PCDHGC4: variants seen among roughly 807,000 people sequenced by gnomAD.
PCDHGC4 encodes the protein protocadherin gamma subfamily C, 4.
PCDHGC4 carries 15 observed loss-of-function variants against 59.7 expected under a neutral mutation model. The observed-to-expected ratio is 0.25, with a 90% CI of 0.17 to 0.39. The LOEUF is 0.39. PCDHGC4 is among the 10% of genes least tolerant of loss of function. The pLI, the probability that PCDHGC4 is intolerant of heterozygous loss-of-function variation, is 1.00. For missense variants in PCDHGC4, 1,016 were observed against 1,189.5 expected, an observed-to-expected ratio of 0.85 and a Z score of 2.15; for synonymous variants, 434 against 481.4, an observed-to-expected ratio of 0.90 and a Z score of 1.29.
In PCDHGC4 at chr5:141,490,211, ACCAGGGACAG is replaced by A. The variant is rs1259297201; in HGVS notation, c.2442+2599_2442+2608del. 1 of 1,614,212 alleles carries A rather than the reference ACCAGGGACAG, an allele frequency of 6.2e-7. No individual in the cohort carries two copies. ...TATGAAATTCATGCAAGAGCCCGTG[ACCAGGGACAG>A]CCTGCCATGGAGGGCCACTGTGTGA... is the stretch of plus-strand genomic sequence containing the variant. On this transcript the variant is annotated intron_variant, in intron 1 of 3. Transcript: ENST00000306593. The surrounding 1 kb of genome is among the most constrained non-coding windows in gnomAD (Gnocchi z 5.4).
chr5:141,487,684 C>G lies in PCDHGC4; in HGVS notation c.2442+69C>G. On this transcript the variant is annotated intron_variant, in intron 1 of 3. Coordinates refer to ENST00000306593, the MANE Select transcript of PCDHGC4 (RefSeq NM_018928.3). The surrounding 1 kb of genome is among the most constrained non-coding windows in gnomAD (Gnocchi z 5.0). ...ATCCAGGCATATGGCTAGGCCATGT[C>G]CTAGAGAGTACTGGCCTCTCAGTAA... is the stretch of plus-strand genomic sequence containing the variant. The G allele has an allele frequency of 6.2e-7, 1 of 1,607,562 alleles. No individual in the cohort carries two copies. Among genetic ancestry groups the G allele is most frequent in the East Asian group, 2.2e-5 (1 of 44,768 alleles).
intron 1 of PCDHGC4, among the ~76,000 whole-genome samples, chr5:141,488,563 C>T (rs1352750895): frequency 1.3e-5 from 2 of 152,134 alleles, no homozygotes; most frequent in Admixed American, 6.6e-5. Flanking sequence ...TTGAGATTTC[C>T]GCAAAGCATT....
Position 141,511,015 on chromosome 5 carries a change from C to T in PCDHGC4, c.2659C>T (p.Pro887Ser), listed in dbSNP as rs1430257603. The T allele has an allele frequency of 1.2e-6, 2 of 1,614,106 alleles. No homozygotes were observed. The highest frequency in any genetic ancestry group is 1.3e-5 in the African/African-American group (1 of 74,936). The stretch of plus-strand genomic sequence containing the variant: ...CATGGGATTGAGCGCCCGCTACGGA[C>T]CCCAGTTCACCCTGCAGCACGTGCC... ...GTMGLSARYG[P>S]QFTLQHVPDY... Residue 887 changes from proline (P) to serine (S), a missense_variant, in exon 4 of 4, where the codon CCC (proline) becomes TCC (serine). Coordinates refer to ENST00000306593, the MANE Select transcript of PCDHGC4 (RefSeq NM_018928.3).
In PCDHGC4 at chr5:141,492,000, A is replaced by G; in HGVS notation, c.2443-2807A>G. On this transcript the variant is annotated intron_variant, in intron 1 of 3. Transcript: ENST00000306593. The surrounding 1 kb of genome is among the most constrained non-coding windows in gnomAD (Gnocchi z 6.9). Reference sequence around the variant, plus strand: ...TCGAGCTTCCGGTGAATTTCGGGCGATTTCCGCGGGTGTCGGGGGTCCCGG... The same window carrying G: ...TCGAGCTTCCGGTGAATTTCGGGCGGTTTCCGCGGGTGTCGGGGGTCCCGG... 1 of 659,856 alleles carries G rather than the reference A, an allele frequency of 1.5e-6. No homozygotes were observed. The highest frequency in any genetic ancestry group is 3.1e-5 in the South Asian group (1 of 32,438). 40.9% of individuals were successfully genotyped at this position (659,856 alleles called of 1,614,324 possible).
chr5:141,490,061 A>G lies in PCDHGC4; in HGVS notation c.2442+2446A>G, dbSNP rs1562135413. On this transcript the variant is annotated intron_variant, in intron 1 of 3. Transcript: ENST00000306593. This position sits in a 1 kb window ranked among gnomAD's most constrained non-coding sequence, Gnocchi z 5.4. Reference sequence around the variant, plus strand: ...GCCACTGATCCAGACGAGGGCACCAACGGCCAACTAGACTATTCTTTTGGA... The same window carrying G: ...GCCACTGATCCAGACGAGGGCACCAGCGGCCAACTAGACTATTCTTTTGGA... 1.2e-6 allele frequency: 2 copies of G among 1,614,214 alleles called. No individual in the cohort carries two copies. Among genetic ancestry groups the G allele is most frequent in the East Asian group, 2.2e-5 (1 of 44,884 alleles).
chr5:141,493,336 A>G lies in PCDHGC4; in HGVS notation c.2443-1471A>G, dbSNP rs1049621539. Among the ~76,000 whole-genome samples, 4 of 152,202 alleles carry G rather than the reference A, an allele frequency of 2.6e-5. No homozygotes were observed. Among genetic ancestry groups the G allele is most frequent in the African/African-American group, 9.7e-5 (4 of 41,450 alleles). On this transcript the variant is annotated intron_variant, in intron 1 of 3. Transcript: ENST00000306593. The surrounding 1 kb of genome is among the most constrained non-coding windows in gnomAD (Gnocchi z 4.3). ...GAGATTCTAACCCCTGTCTAACTCC[A>G]GAATGTGTGCTTTTAATTTCTTGGC...
chr5:141,487,921 A>G lies in PCDHGC4; in HGVS notation c.2442+306A>G, dbSNP rs17097340. On this transcript the variant is annotated intron_variant, in intron 1 of 3. Coordinates refer to ENST00000306593, the MANE Select transcript of PCDHGC4 (RefSeq NM_018928.3). This position sits in a 1 kb window ranked among gnomAD's most constrained non-coding sequence, Gnocchi z 5.0. ...GGAATGTGGGAGCACAGGAGGCTAC[A>G]GTGCACAGGGTACAGTGCACCAGGC... 0.15 allele frequency: 93,556 copies of G among 639,124 alleles called. 7,160 individuals carry two copies. The highest frequency in any genetic ancestry group is 0.21 in the African/African-American group (11,270 of 54,532). 39.6% of individuals were successfully genotyped at this position (639,124 alleles called of 1,614,324 possible).
chr5:141,494,899 C>T, intron 2 of PCDHGC4, 34 bp downstream of exon 2: 1 of 1,614,116 alleles, frequency 6.2e-7, no homozygotes, highest in Non-Finnish European at 8.5e-7. Context: ...ACCCTCTTCT[C>T]TGCGGCATTT....
rs58019021 is a variant in PCDHGC4, at chr5:141,500,184, T to TTTTATTTATTTA, written c.2502-5178_2502-5167dup. Among the ~76,000 whole-genome samples, 232 of 135,962 alleles carry TTTTATTTATTTA rather than the reference T, an allele frequency of 1.7e-3. 1 individual carries two copies. The highest frequency in any genetic ancestry group is 6.4e-3 in the South Asian group (27 of 4,202). The allele number at this position is 135,962 out of a possible 152,430, so 89.2% of individuals were successfully genotyped here. A position where few individuals can be genotyped will look rare whatever the true frequency, so the allele number is the denominator to read the frequency against. The stretch of plus-strand genomic sequence containing the variant: ...GAACATGCATGAGCTTCATTTTTAT[T>TTTTATTTATTTA]TTTATTTATTTATTTATTTATTTAT... On this transcript the variant is annotated intron_variant, in intron 2 of 3. Transcript: ENST00000306593.
chr5:141,486,707 C>A lies in PCDHGC4; in HGVS notation c.1534C>A (p.Pro512Thr), dbSNP rs1314530265. Residue 512 changes from proline to threonine, a missense_variant, in exon 1 of 4, where the codon CCC becomes ACC. Coordinates refer to ENST00000306593, the MANE Select transcript of PCDHGC4 (RefSeq NM_018928.3). The surrounding 1 kb of genome is among the most constrained non-coding windows in gnomAD (Gnocchi z 5.0). ...AGCTTCCTCTTTCATCTCTCTGAAC[C>A]CCCAGACAGGAGCTGTTCATGCTAC... Reference protein sequence around the residue: ...VSASSFISLNPQTGAVHATRS... With the variant: ...VSASSFISLNTQTGAVHATRS... 2 of 1,614,040 alleles carry A rather than the reference C, an allele frequency of 1.2e-6. No individual in the cohort carries two copies. The highest frequency in any genetic ancestry group is 1.7e-6 in the Non-Finnish European group (2 of 1,180,038).
chr5:141,488,196 TA>T, intron 1 of PCDHGC4, among the ~76,000 whole-genome samples: 1 of 152,186 alleles, frequency 6.6e-6, no homozygotes, highest in Non-Finnish European at 1.5e-5. Context: ...GTCTGGGTCT[TA>T]GGACTCATAT....
In PCDHGC4 at chr5:141,511,131, C is replaced by T; in HGVS notation, c.2775C>T (p.Gly925=). ...GGGATGGCAAGGCCCCAGCAGGTGG[C>T]AATGGCAACAAGAAGAAGTCGGGCA... is the stretch of plus-strand genomic sequence containing the variant. ...GKRDGKAPAG[G]NGNKKKSGKK... is the part of the protein sequence containing the mutation. The change falls in exon 4 of 4, where the codon GGC becomes GGT. Residue 925 remains glycine (G), a synonymous_variant. Coordinates refer to ENST00000306593, the MANE Select transcript of PCDHGC4 (RefSeq NM_018928.3). 2 of 1,614,202 alleles carry T rather than the reference C, an allele frequency of 1.2e-6. No homozygotes were observed. Among genetic ancestry groups the T allele is most frequent in the Non-Finnish European group, 1.7e-6 (2 of 1,180,020 alleles).
intron 2 of PCDHGC4, among the ~76,000 whole-genome samples, chr5:141,504,572 A>G (rs184273457): frequency 6.7e-6 from 1 of 148,962 alleles, no homozygotes; most frequent in Admixed American, 6.9e-5. Flanking sequence ...TCTAGGGAAC[A>G]CCATCTGCCC....
intron 3 of PCDHGC4, among the ~76,000 whole-genome samples, chr5:141,509,700 TGGA>T (rs1407159498): frequency 6.6e-6 from 1 of 152,192 alleles, no homozygotes; most frequent in East Asian, 1.9e-4. Flanking sequence ...GACGTTGGAC[TGGA>T]GGTGCTGTCT....
At chr5:141,509,106 A>T (rs1159119530) in intron 3 of PCDHGC4, among the ~76,000 whole-genome samples, 1 of 152,102 alleles carries the variant, frequency 6.6e-6, no homozygotes, top group Non-Finnish European at 1.5e-5. Flanking sequence ...TAGAAACCTG[A>T]GCGCTGGTGC....
rs776854254 is a variant in PCDHGC4 at position 141,487,285 on chromosome 5, C to T, written c.2112C>T (p.Ser704=). Residue 704 remains serine (S), a synonymous_variant, in exon 1 of 4, where the codon TCC becomes TCT. Coordinates refer to ENST00000306593, the MANE Select transcript of PCDHGC4 (RefSeq NM_018928.3). This position sits in a 1 kb window ranked among gnomAD's most constrained non-coding sequence, Gnocchi z 5.0. The stretch of plus-strand genomic sequence containing the variant: ...CCCTAGTGGCAATTTGCTTTGTCTC[C>T]TTTGGCTCATTCGTGGCACTACTCT... The part of the protein sequence containing the change: ...AVSLVAICFV[S]FGSFVALLSK... 8 of 1,614,148 alleles carry T rather than the reference C, an allele frequency of 5.0e-6. No homozygotes were observed. The highest frequency in any genetic ancestry group is 6.8e-6 in the Non-Finnish European group (8 of 1,180,036).
At position 141,511,241 on chromosome 5, in the gene PCDHGC4, C is replaced by G; in HGVS notation, c.*68C>G. ...CCAGCCCAGCTTCTCCTTACCTGCA[C>G]CCAGGCCTCAGAGTTTCAGGGCTAA... On this transcript the variant is annotated 3_prime_UTR_variant, in exon 4 of 4. Transcript: ENST00000306593. 1 of 1,585,214 alleles carries G rather than the reference C, an allele frequency of 6.3e-7. No individual in the cohort carries two copies. The highest frequency in any genetic ancestry group is 1.1e-5 in the South Asian group (1 of 87,760).
At position 141,489,515 on chromosome 5, in the gene PCDHGC4, G is replaced by T; in HGVS notation, c.2442+1900G>T. ...CTGGCAGTGAATCAAAAGATTGACC[G>T]AGAAAGCCTATGTGGAGCCAGCACC... On this transcript the variant is annotated intron_variant, in intron 1 of 3. Coordinates refer to ENST00000306593, the MANE Select transcript of PCDHGC4 (RefSeq NM_018928.3). This position sits in a 1 kb window ranked among gnomAD's most constrained non-coding sequence, Gnocchi z 4.5. 4.3e-6 allele frequency: 7 copies of T among 1,614,104 alleles called. No individual in the cohort carries two copies. Among genetic ancestry groups the T allele is most frequent in the Non-Finnish European group, 5.9e-6 (7 of 1,180,034 alleles).
chr5:141,503,825 CA>C (rs2154593417), intron 2 of PCDHGC4, among the ~76,000 whole-genome samples: 1 of 152,186 alleles, frequency 6.6e-6, no homozygotes, highest in Non-Finnish European at 1.5e-5. Flanking sequence ...TGGGCAAAAC[CA>C]AAAGCAGGGA....
Sources: gnomAD v4.1 joint callset for allele counts (sites outside exome capture counted in the v4.1 genomes callset) on GRCh38, gnomAD v4.1.1 for gene constraint, Gnocchi (gnomAD v3.1) non-coding constraint, MANE v1.5 for transcripts, NCBI Gene and HGNC (gene_info 2026-07-23, HGNC 2026-07-21) for gene names.